CAMK1D: variants seen among roughly 807,000 people sequenced by gnomAD.
CAMK1D encodes calcium/calmodulin-dependent protein kinase type 1D.
Under a neutral mutation model 47.7 loss-of-function variants are expected in CAMK1D, and 9 were observed. The ratio of observed to expected loss-of-function variants is 0.19; its 90% CI spans 0.11 to 0.33. The LOEUF (loss-of-function observed/expected upper bound fraction) is 0.33, where lower values mean the gene tolerates loss of function less well. Among genes scored for constraint, CAMK1D ranks in the 10% least tolerant of loss-of-function variants. CAMK1D has a pLI of 1.00. For missense variants in CAMK1D, 291 were observed against 488.7 expected (o/e 0.60, Z 3.81); for synonymous variants, 184 against 184.9 (o/e 0.99, Z 0.04).
chr10:12,634,667 G>A (rs1008936935), intron 2 of CAMK1D, among the ~76,000 whole-genome samples: 2 of 152,098 alleles, frequency 1.3e-5, no homozygotes, highest in Non-Finnish European at 2.9e-5. Context: ...TTCCACTCCC[G>A]GGCTGAGTGT....
At chr10:12,425,022 C>T (rs1010431753) in intron 1 of CAMK1D, among the ~76,000 whole-genome samples, 1 of 152,200 alleles carries the variant, frequency 6.6e-6, no homozygotes, top group African/African-American at 2.4e-5. Context: ...ACTTATAAGG[C>T]CTTCCATGAT....
chr10:12,617,078 G>T (rs1724881131), intron 2 of CAMK1D, among the ~76,000 whole-genome samples: 1 of 152,108 alleles, frequency 6.6e-6, no homozygotes, highest in Admixed American at 6.5e-5. Flanking sequence ...TGAACTTCTC[G>T]TAAGCAAGGT....
intron 1 of CAMK1D, among the ~76,000 whole-genome samples, chr10:12,439,667 C>T (rs1227154037): frequency 1.3e-5 from 2 of 152,192 alleles, no homozygotes. Context: ...CTTGTTTGTT[C>T]TGCTGTCTTT....
At chr10:12,764,398 A>AAAAAAAAAAC (rs1554822757) in intron 4 of CAMK1D, among the ~76,000 whole-genome samples, 4 of 151,186 alleles carry the variant, frequency 2.6e-5, no homozygotes, top group African/African-American at 7.3e-5. Flanking sequence ...AAAAAAAAAA[A>AAAAAAAAAAC]CATTGATCTA....
At chr10:12,715,400 A>G (rs997604117) in intron 3 of CAMK1D, among the ~76,000 whole-genome samples, 64 of 152,332 alleles carry the variant, frequency 4.2e-4, no homozygotes, top group African/African-American at 1.5e-3. Context: ...GGTGCATTTT[A>G]TCATTTTCCT....
intron 1 of CAMK1D, 63 bp downstream of exon 1, chr10:12,349,973 C>T (rs1837299785): frequency 1.2e-6 from 1 of 860,566 alleles, no homozygotes; most frequent in Non-Finnish European, 1.7e-6. Flanking sequence ...CGGGCAGCTC[C>T]AGCTGCCGCC....
In CAMK1D at chr10:12,484,883, A is replaced by G. The variant is rs184752242; in HGVS notation, c.93-68342A>G. On this transcript the variant is annotated intron_variant, in intron 1 of 10. Coordinates refer to ENST00000619168, the MANE Select transcript of CAMK1D (RefSeq NM_153498.4). Reference sequence around the variant, plus strand: ...TCATGGGAGGGCAGGTGTGATGACCAGGAAGCAGGGGTACCTCATGGTGTG... The same window carrying G: ...TCATGGGAGGGCAGGTGTGATGACCGGGAAGCAGGGGTACCTCATGGTGTG... Among the ~76,000 whole-genome samples the G allele has an allele frequency of 6.4e-4, 97 of 152,248 alleles. 1 individual carries two copies.
intron 1 of CAMK1D, among the ~76,000 whole-genome samples, chr10:12,478,598 C>T (rs1325995075): frequency 6.6e-6 from 1 of 152,082 alleles, no homozygotes; most frequent in Non-Finnish European, 1.5e-5. Flanking sequence ...CTTATTTTAA[C>T]AGTAATACGG....
chr10:12,684,946 A>G (rs1300067737), intron 3 of CAMK1D, among the ~76,000 whole-genome samples: 1 of 152,248 alleles, frequency 6.6e-6, no homozygotes, highest in Non-Finnish European at 1.5e-5. Flanking sequence ...GAGTTCAACA[A>G]GGTCTGTAAG....
intron 1 of CAMK1D, among the ~76,000 whole-genome samples, chr10:12,528,785 C>T (rs1038014093): frequency 1.2e-4 from 18 of 150,612 alleles, no homozygotes; most frequent in African/African-American, 3.2e-4. Context: ...TCTGTCACCC[C>T]GGCTGGATTG....
intron 3 of CAMK1D, among the ~76,000 whole-genome samples, chr10:12,703,485 G>A (rs1261636613): frequency 6.6e-6 from 1 of 152,216 alleles, no homozygotes; most frequent in Non-Finnish European, 1.5e-5. Context: ...AATAGACACT[G>A]CCATTGCACA....
At chr10:12,553,111 C>G (rs1243299294) in intron 1 of CAMK1D, 114 bp from the exon 2 acceptor site, 3 of 1,563,950 alleles carry the variant, frequency 1.9e-6, no homozygotes, top group African/African-American at 2.7e-5. Context: ...AACAGTAATG[C>G]TTACAACTGT....
intron 8 of CAMK1D, among the ~76,000 whole-genome samples, chr10:12,822,695 G>A (rs1833057219): frequency 6.6e-6 from 1 of 152,206 alleles, no homozygotes; most frequent in African/African-American, 2.4e-5. Context: ...AGCTTGGACT[G>A]GCATCCTTTT....
intron 1 of CAMK1D, among the ~76,000 whole-genome samples, chr10:12,513,984 C>T (rs750433389): frequency 9.9e-5 from 15 of 152,280 alleles, no homozygotes; most frequent in African/African-American, 1.7e-4. Context: ...TTGACTGCAG[C>T]GGTGGGCTGT....
chr10:12,652,698 A>G (rs923479414), intron 2 of CAMK1D, among the ~76,000 whole-genome samples: 4 of 152,216 alleles, frequency 2.6e-5, no homozygotes, highest in African/African-American at 9.6e-5. Context: ...AGGTTACACT[A>G]GGAAGTTTCT....
At chr10:12,672,901 T>TTTTTTTTTTTTTTTTTTTTTTTTG (rs1840673669) in intron 3 of CAMK1D, among the ~76,000 whole-genome samples, 1 of 147,064 alleles carries the variant, frequency 6.8e-6, no homozygotes, top group Admixed American at 6.8e-5. Context: ...CTTGCCTTTT[T>TTTTTTTTTTTTTTTTTTTTTTTTG]TTTTTTTTTT....
At chr10:12,464,097 G>A (rs1833520003) in intron 1 of CAMK1D, among the ~76,000 whole-genome samples, 1 of 152,016 alleles carries the variant, frequency 6.6e-6, no homozygotes. Context: ...GTATGAAAAC[G>A]GACTAATACA....
At chr10:12,516,075 C>T (rs1177531370) in intron 1 of CAMK1D, among the ~76,000 whole-genome samples, 1 of 152,034 alleles carries the variant, frequency 6.6e-6, no homozygotes, top group Non-Finnish European at 1.5e-5. Flanking sequence ...TTTGTTTCAC[C>T]ATTCTCAGTT....
chr10:12,445,953 A>T (rs1446120348), intron 1 of CAMK1D, among the ~76,000 whole-genome samples: 1 of 152,230 alleles, frequency 6.6e-6, no homozygotes, highest in Non-Finnish European at 1.5e-5. Context: ...ATTTTGAAAA[A>T]GAATGAAAAG....
Sources: gnomAD v4.1 joint callset for allele counts (sites outside exome capture counted in the v4.1 genomes callset) on GRCh38, gnomAD v4.1.1 for gene constraint, MANE v1.5 for transcripts, NCBI Gene and HGNC (gene_info 2026-07-23, HGNC 2026-07-21) for gene names.